Variants in NAE1 observed in about 807,000 individuals in gnomAD.
The protein encoded by NAE1 is NEDD8 activating enzyme E1 subunit 1, also known as NEDD8-activating enzyme E1 regulatory subunit.
NAE1 carries 59 observed loss-of-function variants against 88.0 expected under a neutral mutation model. The ratio of observed to expected loss-of-function variants is 0.67; its 90% CI spans 0.54 to 0.83. The LOEUF (loss-of-function observed/expected upper bound fraction) is 0.83. NAE1 is among the 40% of genes least tolerant of loss of function. The pLI is 0.00. For synonymous variants in NAE1, 186 were observed against 208.9 expected (o/e 0.89, Z 0.95); for missense variants, 554 against 632.8 (o/e 0.88, Z 1.34).
At chr16:66,812,722 T>C (rs774104250) in intron 13 of NAE1, among the ~76,000 whole-genome samples, 6 of 151,536 alleles carry the variant, frequency 4.0e-5, no homozygotes, top group Non-Finnish European at 8.8e-5. Flanking sequence ...GGTTTCACCA[T>C]GTTGGCCAGG....
At position 66,817,422 on chromosome 16, in the gene NAE1, T is replaced by C. The variant is rs764780269; in HGVS notation, c.684+3A>G. On this transcript the variant is annotated splice_donor_region_variant and intron_variant, in intron 9 of 19. Coordinates refer to ENST00000290810, the MANE Select transcript of NAE1 (RefSeq NM_003905.4). ...ATGAAATTTTTTTTAAAAAAGGACA[T>C]ACTTCACTATACCACTGTGCTAAAT... 20 of 1,599,772 alleles carry C rather than the reference T, an allele frequency of 1.3e-5. No individual in the cohort carries two copies. The highest frequency in any genetic ancestry group is 1.7e-4 in the Middle Eastern group (1 of 6,050).
chr16:66,828,990 GAAA>G (rs66509263), intron 1 of NAE1, among the ~76,000 whole-genome samples: 2 of 124,798 alleles, frequency 1.6e-5, no homozygotes, highest in Admixed American at 8.4e-5. Flanking sequence ...CCTTGTCCCT[GAAA>G]AAAAAAAAAA....
intron 17 of NAE1, 123 bp from the exon 18 acceptor site, chr16:66,806,149 A>T: frequency 8.5e-7 from 1 of 1,182,496 alleles, no homozygotes; most frequent in Non-Finnish European, 1.1e-6. Context: ...AACAAAAATA[A>T]CAAAGTATGA....
chr16:66,820,955 G>C (rs367564066), intron 7 of NAE1, among the ~76,000 whole-genome samples: 14 of 151,446 alleles, frequency 9.2e-5, no homozygotes, highest in Middle Eastern at 3.4e-3. Flanking sequence ...TGTAATCCCA[G>C]ATACTTGGGA....
In NAE1 at chr16:66,816,824, GCTT is replaced by G. The variant is rs1437663759; in HGVS notation, c.748+138_748+140del. On this transcript the variant is annotated intron_variant, in intron 10 of 19. Coordinates refer to ENST00000290810, the MANE Select transcript of NAE1 (RefSeq NM_003905.4). Reference sequence around the variant, plus strand: ...AGTCCTTAAAACTATACAAGGCGTGGCTTCTTAACTTCTCCAGAAGGAAAATAA... The same window carrying G: ...AGTCCTTAAAACTATACAAGGCGTGGCTTAACTTCTCCAGAAGGAAAATAA... The G allele has an allele frequency of 1.7e-5, 23 of 1,378,174 alleles. No individual in the cohort carries two copies. The East Asian group carries it at 2.9e-4, about 17-fold the overall frequency. 85.4% of individuals were successfully genotyped at this position (1,378,174 alleles called of 1,614,324 possible). A position where few individuals can be genotyped will look rare whatever the true frequency, so the allele number is the denominator to read the frequency against.
At chr16:66,817,296 G>A in intron 9 of NAE1, 129 bp downstream of exon 9, 2 of 864,408 alleles carry the variant, frequency 2.3e-6, no homozygotes, top group Non-Finnish European at 1.8e-6. Flanking sequence ...AAATTTAAAA[G>A]CATCCATTTG....
At chr16:66,805,675 C>A in intron 19 of NAE1, 102 bp downstream of exon 19, 1 of 933,768 alleles carries the variant, frequency 1.1e-6, no homozygotes, top group South Asian at 4.0e-5. Context: ...CATCCTGCTT[C>A]ACTGACCTCC....
At position 66,808,555 on chromosome 16, in the gene NAE1, A is replaced by C. The variant is rs776646555; in HGVS notation, c.1296T>G (p.Val432=). Residue 432 remains valine (V), a synonymous_variant, in exon 17 of 20, where the codon GTT becomes GTG. Transcript: ENST00000290810. ...TACCCTGTTGTTTATGAAATCTATC[A>C]ACAGCCCGTAACATTAAGTACAACA... ...EIVLYLMLRA[V]DRFHKQQGRY... 2 of 1,606,044 alleles carry C rather than the reference A, an allele frequency of 1.2e-6. No homozygotes were observed. Among genetic ancestry groups the C allele is most frequent in the South Asian group, 2.2e-5 (2 of 90,184 alleles).
At chr16:66,804,245 A>AC (rs1229948955) in intron 19 of NAE1, among the ~76,000 whole-genome samples, 2 of 151,468 alleles carry the variant, frequency 1.3e-5, no homozygotes, top group African/African-American at 2.4e-5. Context: ...TAAAAAACAA[A>AC]AAAAAAAAAA....
At chr16:66,826,089 T>G (rs1960453802) in intron 3 of NAE1, 1 of 159,394 alleles carries the variant, frequency 6.3e-6, no homozygotes, top group Admixed American at 5.9e-5. Flanking sequence ...GTTCTGAAAG[T>G]CTAAATATAA....
chr16:66,808,673 G>C, intron 16 of NAE1, 60 bp from the exon 17 acceptor site: 1 of 1,218,050 alleles, frequency 8.2e-7, no homozygotes, highest in South Asian at 1.2e-5. Context: ...AAACAATGAA[G>C]GGCTGAATTT....
At chr16:66,811,776 G>A (rs750351628) in intron 13 of NAE1, among the ~76,000 whole-genome samples, 17 of 152,194 alleles carry the variant, frequency 1.1e-4, no homozygotes, top group Non-Finnish European at 2.1e-4. Context: ...TACCTCCCAT[G>A]TAAGGTCATA....
rs879516167 is a variant in NAE1, at chr16:66,807,908, C to CT, written c.1330+612dup. On this transcript the variant is annotated intron_variant, in intron 17 of 19. Coordinates refer to ENST00000290810, the MANE Select transcript of NAE1 (RefSeq NM_003905.4). ...ATTGAGTTCAGAAATTAGTAGCATA[C>CT]TTTTTTTTTTTTTTGAGACAGTCTC... is the stretch of plus-strand genomic sequence containing the variant. Among the ~76,000 whole-genome samples, 320 of 144,962 alleles carry CT rather than the reference C, an allele frequency of 2.2e-3. 1 individual carries two copies. The highest frequency in any genetic ancestry group is 3.4e-3 in the Non-Finnish European group (221 of 65,666).
At position 66,803,295 on chromosome 16, in the gene NAE1, A is replaced by G. The variant is rs1959428739; in HGVS notation, c.1496-177T>C. ...ATAAAAGCCTATAATTCTTTTTGTT[A>G]TTAAAGGAAATCTAAACAGTAGTGT... On this transcript the variant is annotated intron_variant, in intron 19 of 19. Coordinates refer to ENST00000290810, the MANE Select transcript of NAE1 (RefSeq NM_003905.4). Among the ~76,000 whole-genome samples, 4 of 152,312 alleles carry G rather than the reference A, an allele frequency of 2.6e-5. No homozygotes were observed. The South Asian group carries it at 8.3e-4, about 32-fold the overall frequency.
intron 11 of NAE1, among the ~76,000 whole-genome samples, chr16:66,814,049 C>T (rs2145326754): frequency 6.6e-6 from 1 of 152,244 alleles, no homozygotes; most frequent in Admixed American, 6.5e-5. Flanking sequence ...CTCTCCGGCC[C>T]ACTGTTGCTA....
chr16:66,820,278 GATC>G (rs1567494088), intron 7 of NAE1, among the ~76,000 whole-genome samples: 1 of 152,222 alleles, frequency 6.6e-6, no homozygotes, highest in African/African-American at 2.4e-5. Context: ...AAAATTTTAT[GATC>G]ATCTAAGATT....
rs1429586309 is a variant in NAE1, at chr16:66,810,710, T to G, written c.1097A>C (p.Gln366Pro). Residue 366 changes from glutamine to proline, a missense_variant, in exon 14 of 20, where the codon CAG becomes CCG. Gln to Pro is a moderately conservative substitution (Grantham distance 76). Coordinates refer to ENST00000290810, the MANE Select transcript of NAE1 (RefSeq NM_003905.4). The stretch of plus-strand genomic sequence containing the variant: ...CCAGTAGCTTACCTGGCCAATGGAC[T>G]GCAGCAATTTGGCAACATGATTACC... ...AVGNHVAKLL[Q>P]SIGQAPESIS... is the part of the protein sequence containing the mutation. 1 of 1,614,086 alleles carries G rather than the reference T, an allele frequency of 6.2e-7. No individual in the cohort carries two copies. The highest frequency in any genetic ancestry group is 1.3e-5 in the African/African-American group (1 of 74,952).
intron 1 of NAE1, among the ~76,000 whole-genome samples, chr16:66,829,865 A>G (rs1332063191): frequency 6.6e-6 from 1 of 152,198 alleles, no homozygotes; most frequent in Non-Finnish European, 1.5e-5. Flanking sequence ...TGGTAAGTGT[A>G]AAATACAATA....
At chr16:66,808,761 C>A in intron 16 of NAE1, 148 bp from the exon 17 acceptor site, 1 of 678,220 alleles carries the variant, frequency 1.5e-6, no homozygotes, top group East Asian at 2.8e-5. Flanking sequence ...GACTTTAACT[C>A]ATACATATCA....
Sources: allele counts gnomAD v4.1 joint callset (sites outside exome capture counted in the v4.1 genomes callset), GRCh38; gene constraint gnomAD v4.1.1; transcripts MANE v1.5; gene names NCBI Gene and HGNC (gene_info 2026-07-23, HGNC 2026-07-21).